SPPL3: variants seen among roughly 807,000 people sequenced by gnomAD.
The protein encoded by SPPL3 is signal peptide peptidase-like 3.
A neutral mutation model predicts 42.4 loss-of-function variants in SPPL3; 5 were observed. The observed-to-expected ratio is 0.12, with a 90% CI of 0.06 to 0.25. SPPL3 has a LOEUF of 0.25. SPPL3 is among the 10% of genes least tolerant of loss of function. The pLI is 1.00. For missense variants in SPPL3, 235 were observed against 489.0 expected (o/e 0.48, Z 4.90); for synonymous variants, 195 against 181.8 (o/e 1.07, Z -0.58).
chr12:120,765,083 G>T lies in SPPL3; in HGVS notation c.1084-13C>A, dbSNP rs146273163. The T allele has an allele frequency of 5.7e-4, 920 of 1,612,268 alleles. 5 individuals carry two copies. The African/African-American group carries it at 0.01, about 18-fold the overall frequency. The stretch of plus-strand genomic sequence containing the variant: ...GCCGGAGGTCGCCCTGGGAAACAAG[G>T]GACTTTCTAAGTTACAGATTTAAAC... On this transcript the variant is annotated splice_polypyrimidine_tract_variant and intron_variant, in intron 10 of 10. Coordinates refer to ENST00000353487, the MANE Select transcript of SPPL3 (RefSeq NM_139015.5).
At chr12:120,858,243 C>T (rs145176545) in intron 1 of SPPL3, among the ~76,000 whole-genome samples, 21 of 151,996 alleles carry the variant, frequency 1.4e-4, no homozygotes, top group African/African-American at 4.8e-4. Context: ...TTTGGGAGGC[C>T]GAGGTGGTCA....
chr12:120,782,132 T>C (rs1393915686), intron 6 of SPPL3, among the ~76,000 whole-genome samples: 1 of 152,154 alleles, frequency 6.6e-6, no homozygotes, highest in African/African-American at 2.4e-5. Context: ...AGCCTCCCAA[T>C]GTGCTGGGAT....
At chr12:120,843,282 T>C (rs182087352) in intron 1 of SPPL3, among the ~76,000 whole-genome samples, 227 of 152,336 alleles carry the variant, frequency 1.5e-3, no homozygotes, top group African/African-American at 4.9e-3. Flanking sequence ...TTACATCTAT[T>C]CTTGATACAA....
chr12:120,851,627 A>G (rs1872227461), intron 1 of SPPL3, among the ~76,000 whole-genome samples: 1 of 152,104 alleles, frequency 6.6e-6, no homozygotes, highest in Non-Finnish European at 1.5e-5. Flanking sequence ...TTTTTGAGAC[A>G]GGGTTTCACT....
chr12:120,805,596 C>T (rs1870461584), intron 2 of SPPL3, among the ~76,000 whole-genome samples: 1 of 152,144 alleles, frequency 6.6e-6, no homozygotes, highest in Non-Finnish European at 1.5e-5. Flanking sequence ...CCACATCATC[C>T]TATGTGCAGA....
At chr12:120,803,401 G>C (rs897662406) in intron 2 of SPPL3, among the ~76,000 whole-genome samples, 13 of 152,256 alleles carry the variant, frequency 8.5e-5, no homozygotes, top group African/African-American at 2.9e-4. Flanking sequence ...GAGCAGATCA[G>C]TTTATTGAAA....
intron 2 of SPPL3, 55 bp from the exon 3 acceptor site, chr12:120,791,612 GA>G: frequency 8.4e-7 from 1 of 1,188,052 alleles, no homozygotes; most frequent in Non-Finnish European, 1.2e-6. Flanking sequence ...AAGAAGGTCA[GA>G]AAAGTCATAT....
chr12:120,782,331 C>T (rs1473983510), intron 6 of SPPL3, among the ~76,000 whole-genome samples: 2 of 152,190 alleles, frequency 1.3e-5, no homozygotes, highest in Non-Finnish European at 2.9e-5. Context: ...AAAGGAAGTG[C>T]TGATACAGGT....
intron 1 of SPPL3, among the ~76,000 whole-genome samples, chr12:120,812,889 C>T (rs1287237143): frequency 6.6e-6 from 1 of 152,146 alleles, no homozygotes; most frequent in Non-Finnish European, 1.5e-5. Context: ...GAACATAACA[C>T]ATTAAATACT....
chr12:120,894,197 G>A (rs1056188383), intron 1 of SPPL3, among the ~76,000 whole-genome samples: 1 of 152,160 alleles, frequency 6.6e-6, no homozygotes, highest in Non-Finnish European at 1.5e-5. Flanking sequence ...GGTGGCGCAT[G>A]CCCGTTATCC....
intron 1 of SPPL3, among the ~76,000 whole-genome samples, chr12:120,870,166 C>T (rs1223214717): frequency 6.6e-6 from 1 of 152,174 alleles, no homozygotes; most frequent in Non-Finnish European, 1.5e-5. Flanking sequence ...AAAAAAAGGG[C>T]CAAGTGCAGT....
chr12:120,834,607 C>T (rs1184042644), intron 1 of SPPL3, among the ~76,000 whole-genome samples: 3 of 152,184 alleles, frequency 2.0e-5, no homozygotes, highest in African/African-American at 7.2e-5. Flanking sequence ...CGCCATACTC[C>T]TTCTGCAATC....
intron 1 of SPPL3, among the ~76,000 whole-genome samples, chr12:120,878,905 C>T (rs372460257): frequency 7.5e-4 from 114 of 151,650 alleles, no homozygotes; most frequent in African/African-American, 2.5e-3. Context: ...CCTGAGGTCG[C>T]GAGTTTAAGA....
intron 3 of SPPL3, among the ~76,000 whole-genome samples, chr12:120,790,385 T>G (rs78555781): frequency 6.6e-6 from 1 of 152,334 alleles, no homozygotes; most frequent in African/African-American, 2.4e-5. Context: ...CTGGAGAAAC[T>G]AAGATACACA....
At chr12:120,861,980 A>G (rs1347845929) in intron 1 of SPPL3, among the ~76,000 whole-genome samples, 1 of 152,194 alleles carries the variant, frequency 6.6e-6, no homozygotes, top group Non-Finnish European at 1.5e-5. Context: ...TTAAGATTCC[A>G]AAACAATAGT....
chr12:120,831,495 A>C (rs1871423911), intron 1 of SPPL3, among the ~76,000 whole-genome samples: 1 of 152,102 alleles, frequency 6.6e-6, no homozygotes, highest in African/African-American at 2.4e-5. Flanking sequence ...CCAAAATTCT[A>C]TTTCTATATT....
intron 1 of SPPL3, among the ~76,000 whole-genome samples, chr12:120,834,744 TTG>T (rs1431915494): frequency 6.6e-6 from 1 of 152,194 alleles, no homozygotes; most frequent in East Asian, 1.9e-4. Context: ...AAATAACCTT[TTG>T]TGTTTCCCTT....
intron 2 of SPPL3, 38 bp downstream of exon 2, chr12:120,810,771 C>T (rs1466714643): frequency 6.6e-7 from 1 of 1,516,844 alleles, no homozygotes; most frequent in South Asian, 1.2e-5. Flanking sequence ...CCTTCTTCCA[C>T]CTCCAACTTG....
At chr12:120,768,198 C>T (rs1007240738) in intron 8 of SPPL3, 127 bp downstream of exon 8, 1 of 1,224,816 alleles carries the variant, frequency 8.2e-7, no homozygotes, top group Non-Finnish European at 1.1e-6. Flanking sequence ...CTCATTTCCT[C>T]TTCTGCAGCA....
Sources: allele counts gnomAD v4.1 joint callset (sites outside exome capture counted in the v4.1 genomes callset), GRCh38; gene constraint gnomAD v4.1.1; transcripts MANE v1.5; gene names NCBI Gene and HGNC (gene_info 2026-07-23, HGNC 2026-07-21).